ZNF446: variants seen among roughly 807,000 people sequenced by gnomAD.
The protein encoded by ZNF446 is zinc finger protein 446, also known as zinc finger protein with KRAB and SCAN domains 20.
Under a neutral mutation model 34.0 loss-of-function variants are expected in ZNF446, and 42 were observed. That is an observed-to-expected ratio of 1.23 (90% confidence interval 0.96 to 1.60). The LOEUF is 1.60. ZNF446 is among the 40% of genes most tolerant of loss of function. ZNF446 has a pLI of 0.00. For missense variants in ZNF446, 650 were observed against 600.2 expected, an observed-to-expected ratio of 1.08 and a Z score of -0.87; for synonymous variants, 315 against 251.0, an observed-to-expected ratio of 1.25 and a Z score of -2.41.
At position 58,480,532 on chromosome 19, in the gene ZNF446, C is replaced by T. The variant is rs769828843; in HGVS notation, c.1159C>T (p.Arg387Cys). The T allele has an allele frequency of 8.7e-6, 14 of 1,612,670 alleles. No homozygotes were observed. Among genetic ancestry groups the T allele is most frequent in the East Asian group, 2.2e-5 (1 of 44,860 alleles). Reference sequence around the variant, plus strand: ...GGTGGCCTTTCCGCACCACCCCCGACGCTCACTCACAGGCCCCCGGAGTTA... The same window carrying T: ...GGTGGCCTTTCCGCACCACCCCCGATGCTCACTCACAGGCCCCCGGAGTTA... ...GEVAFPHHPR[R>C]SLTGPRSYPC... Residue 387 changes from arginine (R) to cysteine (C), a missense_variant, in exon 7 of 7, where the codon CGC becomes TGC. Arg to Cys is a radical substitution (Grantham distance 180). Coordinates refer to ENST00000594369, the MANE Select transcript of ZNF446 (RefSeq NM_017908.4). The surrounding 1 kb of genome is among the most constrained non-coding windows in gnomAD (Gnocchi z 7.2).
the ZNF446 span, among the ~76,000 whole-genome samples, chr19:58,487,432 G>A: frequency 1.3e-5 from 2 of 152,126 alleles, no homozygotes; most frequent in African/African-American, 4.8e-5. Context: ...AAAAGACACT[G>A]TAAACATAAA....
At chr19:58,476,755 C>T (rs140136312) in intron 1 of ZNF446, among the ~76,000 whole-genome samples, 56 of 152,214 alleles carry the variant, frequency 3.7e-4, no homozygotes, top group African/African-American at 1.3e-3. Context: ...GAGGGCGACT[C>T]GTCCCCGTAC....
rs1231840534 is a variant in ZNF446, at chr19:58,477,541, C to G, written c.323C>G (p.Pro108Arg). Residue 108 changes from proline to arginine, a missense_variant, in exon 2 of 7, where the codon CCT becomes CGT. Physicochemically the swap from Pro to Arg is moderately radical, Grantham distance 103 (BLOSUM62 -2). Transcript: ENST00000594369. ...CTAGTCGAAGGACTGCAGCATGACC[C>G]TGGGCAACTGTTGGGCTGGGTGAGT... is the stretch of plus-strand genomic sequence containing the variant. ...AALVEGLQHD[P>R]GQLLGWITAH... 6.2e-7 allele frequency: 1 copy of G among 1,611,982 alleles called. No individual in the cohort carries two copies. The highest frequency in any genetic ancestry group is 8.5e-7 in the Non-Finnish European group (1 of 1,178,930).
intron 3 of ZNF446, 76 bp from the exon 4 acceptor site, chr19:58,478,011 G>T (rs1379983580): frequency 8.3e-6 from 12 of 1,442,190 alleles, no homozygotes; most frequent in African/African-American, 1.4e-5. Context: ...ATGTCACACA[G>T]CAGAGGAGCT....
chr19:58,479,149 A>G (rs2053115006), intron 4 of ZNF446, among the ~76,000 whole-genome samples: 1 of 152,184 alleles, frequency 6.6e-6, no homozygotes, highest in East Asian at 1.9e-4. Context: ...CCCATGGCAC[A>G]GTCAGAAAGT....
Position 58,480,196 on chromosome 19 carries a change from C to G in ZNF446, c.823C>G (p.Pro275Ala). The change falls in exon 7 of 7, where the codon CCT (proline) becomes GCT (alanine). Residue 275 changes from proline (P) to alanine (A), a missense_variant. Pro to Ala is a conservative substitution (Grantham distance 27, BLOSUM62 -1). Transcript: ENST00000594369. This position sits in a 1 kb window ranked among gnomAD's most constrained non-coding sequence, Gnocchi z 7.2. The stretch of plus-strand genomic sequence containing the variant: ...CCCAGGAAATGAGAGTGAGGGTCCA[C>G]CTGGCTGCCCAGAGGCCCAGCCGCC... ...LRSGNESEGP[P>A]GCPEAQPPQG... 6.3e-7 allele frequency: 1 copy of G among 1,595,424 alleles called. No individual in the cohort carries two copies. The highest frequency in any genetic ancestry group is 8.5e-7 in the Non-Finnish European group (1 of 1,178,082).
downstream of ZNF446, among the ~76,000 whole-genome samples, chr19:58,484,836 T>C (rs2053161074): frequency 6.6e-6 from 1 of 152,038 alleles, no homozygotes. Context: ...GGCAGGGAGA[T>C]TGCTTGAGCC....
chr19:58,480,306 G>T lies in ZNF446; in HGVS notation c.933G>T (p.Val311=). 1 of 1,579,564 alleles carries T rather than the reference G, an allele frequency of 6.3e-7. No individual in the cohort carries two copies. The change falls in exon 7 of 7, where the codon GTG becomes GTT. Residue 311 remains valine (V), a synonymous_variant. Coordinates refer to ENST00000594369, the MANE Select transcript of ZNF446 (RefSeq NM_017908.4). The surrounding 1 kb of genome is among the most constrained non-coding windows in gnomAD (Gnocchi z 7.2). Reference sequence around the variant, plus strand: ...CTGTGCGCCCAGGGACACCGCCAGTGCCCACTCAGCCCACACCTGCAGAGA... The same window carrying T: ...CTGTGCGCCCAGGGACACCGCCAGTTCCCACTCAGCCCACACCTGCAGAGA... ...APTVRPGTPP[V]PTQPTPAETR...
In ZNF446 at chr19:58,478,501, TAA is replaced by T. The variant is rs914210461; in HGVS notation, c.627+322_627+323del. On this transcript the variant is annotated intron_variant, in intron 4 of 6. Transcript: ENST00000594369. The stretch of plus-strand genomic sequence containing the variant: ...CAATGTGGTGAAACCCTGTATCTAC[TAA>T]AGATACAAAAATTAGCCAGAAGTGG... 5.9e-5 allele frequency among the ~76,000 whole-genome samples: 9 copies of T among 152,018 alleles called. No individual in the cohort carries two copies. The East Asian group carries it at 1.7e-3, about 29-fold the overall frequency.
Position 58,477,354 on chromosome 19 carries a change from CGGCTGCGTG to C in ZNF446, c.137_145del (p.Arg46_Glu49delinsGln). ...GGCAGGTCCCCGAGAAGCCCTGGCCCGGCTGCGTGAGCTGTGTTGCCAGTGGCTGCAGCC... is the reference window on the plus strand; with the variant it reads ...GGCAGGTCCCCGAGAAGCCCTGGCCCAGCTGTGTTGCCAGTGGCTGCAGCC... On this transcript the variant is annotated inframe_deletion, in exon 2 of 7. Transcript: ENST00000594369. 1 of 1,613,356 alleles carries C rather than the reference CGGCTGCGTG, an allele frequency of 6.2e-7. No individual in the cohort carries two copies. Among genetic ancestry groups the C allele is most frequent in the Non-Finnish European group, 8.5e-7 (1 of 1,180,020 alleles).
At chr19:58,488,861 A>AC in the ZNF446 span, among the ~76,000 whole-genome samples, 4 of 148,810 alleles carry the variant, frequency 2.7e-5, no homozygotes, top group Admixed American at 6.6e-5. Flanking sequence ...AAAAAAAAAA[A>AC]AAACAAAAAA....
chr19:58,477,072 C>T (rs2053092750), intron 1 of ZNF446, 107 bp from the exon 2 acceptor site: 1 of 695,696 alleles, frequency 1.4e-6, no homozygotes, highest in Non-Finnish European at 2.4e-6. Context: ...CTCTTCTGGC[C>T]TCAGAGTACA....
chr19:58,481,014 C>G lies in ZNF446; in HGVS notation c.*288C>G, dbSNP rs1211430983. 2.2e-6 allele frequency: 1 copy of G among 457,230 alleles called. No homozygotes were observed. Among genetic ancestry groups the G allele is most frequent in the African/African-American group, 1.9e-5 (1 of 51,358 alleles). The allele number at this position is 457,230 out of a possible 1,614,324, so 28.3% of individuals were successfully genotyped here. A position where few individuals can be genotyped will look rare whatever the true frequency, so the allele number is the denominator to read the frequency against. On this transcript the variant is annotated 3_prime_UTR_variant, in exon 7 of 7. Transcript: ENST00000594369. ...GCCAAGCACCAGGCTCCCTCCCTCC[C>G]TGTGACATGGCCTGGGCTGACAACA...
At chr19:58,485,289 T>G (rs968281033), downstream of ZNF446, among the ~76,000 whole-genome samples, 1 of 151,146 alleles carries the variant, frequency 6.6e-6, no homozygotes, top group Non-Finnish European at 1.5e-5. Flanking sequence ...TCACCTGAGG[T>G]TGGAGTTCAA....
chr19:58,481,832 T>C (rs952046652), downstream of ZNF446, among the ~76,000 whole-genome samples: 6 of 152,166 alleles, frequency 3.9e-5, no homozygotes, highest in African/African-American at 9.7e-5. Context: ...CTCGCTCAGT[T>C]GCCCAGGCTG....
At chr19:58,489,180 CATTA>C in the ZNF446 span, among the ~76,000 whole-genome samples, 1 of 152,212 alleles carries the variant, frequency 6.6e-6, no homozygotes, top group African/African-American at 2.4e-5. Context: ...GTAGGACTAA[CATTA>C]GCCCCAAGAT....
At chr19:58,483,358 A>G (rs2053152688), downstream of ZNF446, among the ~76,000 whole-genome samples, 1 of 152,148 alleles carries the variant, frequency 6.6e-6, no homozygotes, top group Non-Finnish European at 1.5e-5. Flanking sequence ...GTATGGTGAC[A>G]TGCACCTGTA....
At chr19:58,488,683 C>A in the ZNF446 span, among the ~76,000 whole-genome samples, 1 of 151,624 alleles carries the variant, frequency 6.6e-6, no homozygotes, top group Non-Finnish European at 1.5e-5. Context: ...AACCCCGTCT[C>A]TACTAAAAAT....
chr19:58,480,793 CCAG>C lies in ZNF446; in HGVS notation c.*71_*73del. The C allele has an allele frequency of 1.3e-6, 2 of 1,533,592 alleles. No homozygotes were observed. Among genetic ancestry groups the C allele is most frequent in the Non-Finnish European group, 1.8e-6 (2 of 1,138,128 alleles). 95.0% of individuals were successfully genotyped at this position (1,533,592 alleles called of 1,614,324 possible). On this transcript the variant is annotated 3_prime_UTR_variant, in exon 7 of 7. Coordinates refer to ENST00000594369, the MANE Select transcript of ZNF446 (RefSeq NM_017908.4). The surrounding 1 kb of genome is among the most constrained non-coding windows in gnomAD (Gnocchi z 7.2). ...GGGCCTGGATACAGCCTCTGGGGCA[CCAG>C]CAGAAGACTCTGGAGGCAGCAGGGG...
Sources: gnomAD v4.1 joint callset for allele counts (sites outside exome capture counted in the v4.1 genomes callset) on GRCh38, gnomAD v4.1.1 for gene constraint, Gnocchi (gnomAD v3.1) non-coding constraint, MANE v1.5 for transcripts, NCBI Gene and HGNC (gene_info 2026-07-23, HGNC 2026-07-21) for gene names.